Variants in CYTH1 observed in about 807,000 individuals in gnomAD.
CYTH1 encodes the protein cytohesin-1.
A neutral mutation model predicts 61.8 loss-of-function variants in CYTH1; 18 were observed. That is an observed-to-expected ratio of 0.29 (90% CI 0.20 to 0.43). CYTH1 has a LOEUF of 0.43. Ranked by LOEUF, CYTH1 falls within the 20% of genes least tolerant of loss-of-function variation. The pLI, the probability that CYTH1 is intolerant of heterozygous loss-of-function variation, is 1.00. For synonymous variants in CYTH1, 174 were observed against 184.3 expected (o/e 0.94, Z 0.45); for missense variants, 336 against 510.5 (o/e 0.66, Z 3.29).
At chr17:78,761,582 C>CA (rs1489714120) in intron 1 of CYTH1, among the ~76,000 whole-genome samples, 2 of 151,982 alleles carry the variant, frequency 1.3e-5, no homozygotes, top group African/African-American at 4.8e-5. Context: ...ACTAAAAACA[C>CA]AAAAAATCAG....
rs774924694 is a variant in CYTH1 at position 78,675,919 on chromosome 17, C to T, written c.*172G>A. The stretch of plus-strand genomic sequence containing the variant: ...CCGGTCCTCTCTTCCCCAGTGATAA[C>T]TGCCCACCCTTCTCCCACTTAAAAA... On this transcript the variant is annotated 3_prime_UTR_variant, in exon 14 of 14. Transcript: ENST00000446868. The T allele has an allele frequency of 5.4e-5, 83 of 1,540,294 alleles. No individual in the cohort carries two copies. Among genetic ancestry groups the T allele is most frequent in the Middle Eastern group, 5.1e-4 (3 of 5,872 alleles).
At chr17:78,744,998 A>G (rs2144651434) in intron 1 of CYTH1, among the ~76,000 whole-genome samples, 1 of 152,328 alleles carries the variant, frequency 6.6e-6, no homozygotes. Flanking sequence ...TTTAGTTTCT[A>G]TCAAGAAAAT....
At chr17:78,683,188 C>T (rs772198527) in intron 11 of CYTH1, among the ~76,000 whole-genome samples, 2 of 151,900 alleles carry the variant, frequency 1.3e-5, no homozygotes, top group East Asian at 1.9e-4. Flanking sequence ...GTTCTTGTTT[C>T]GCAGCTGTGA....
chr17:78,727,554 C>T (rs775032729), intron 1 of CYTH1: 8 of 383,412 alleles, frequency 2.1e-5, no homozygotes, highest in Non-Finnish European at 4.5e-5. Context: ...GCCCCGAGTC[C>T]GGGTTTGCAA....
rs59964250 is a variant in CYTH1 at position 78,675,631 on chromosome 17, TAA to T, written c.*458_*459del. ...ACCTGAACAGCCCTACGTTCTCTCT[TAA>T]AAAAAAAAAAATAGATCTTTATAGT... is the stretch of plus-strand genomic sequence containing the variant. On this transcript the variant is annotated 3_prime_UTR_variant, in exon 14 of 14. Coordinates refer to ENST00000446868, the MANE Select transcript of CYTH1 (RefSeq NM_004762.6). 0.018 allele frequency: 4,472 copies of T among 254,648 alleles called. 2 individuals carry two copies. Among genetic ancestry groups the T allele is most frequent in the East Asian group, 0.029 (416 of 14,278 alleles). 15.8% of individuals were successfully genotyped at this position (254,648 alleles called of 1,614,324 possible).
chr17:78,777,098 C>G (rs2093494968), intron 1 of CYTH1, among the ~76,000 whole-genome samples: 1 of 149,948 alleles, frequency 6.7e-6, no homozygotes, highest in South Asian at 2.1e-4. Context: ...GCACTCTAGC[C>G]TGGGCAACAA....
chr17:78,781,718 G>A (rs1351964616), intron 1 of CYTH1, among the ~76,000 whole-genome samples: 1 of 152,106 alleles, frequency 6.6e-6, no homozygotes, highest in African/African-American at 2.4e-5. Context: ...CGCGGGCCCG[G>A]CCATCCGCGC....
At chr17:78,758,442 C>T (rs890492016) in intron 1 of CYTH1, among the ~76,000 whole-genome samples, 11 of 152,178 alleles carry the variant, frequency 7.2e-5, no homozygotes, top group African/African-American at 1.2e-4. Flanking sequence ...TGGTGGCTCA[C>T]GCCTGTAATC....
chr17:78,683,127 CAGG>C (rs1245878241), intron 11 of CYTH1, among the ~76,000 whole-genome samples: 10 of 152,050 alleles, frequency 6.6e-5, no homozygotes, highest in African/African-American at 2.2e-4. Context: ...TTTGAATTTC[CAGG>C]AGGATTTTTT....
At chr17:78,745,358 A>G (rs188309560) in intron 1 of CYTH1, among the ~76,000 whole-genome samples, 3 of 152,346 alleles carry the variant, frequency 2.0e-5, no homozygotes, top group Admixed American at 2.0e-4. Context: ...TAAGGTAAAC[A>G]GAAATAACCT....
chr17:78,762,701 G>A (rs2093433681), intron 1 of CYTH1, among the ~76,000 whole-genome samples: 1 of 152,142 alleles, frequency 6.6e-6, no homozygotes, highest in Admixed American at 6.5e-5. Flanking sequence ...AAATGGAAGA[G>A]GGAGGCAGGA....
intron 1 of CYTH1, among the ~76,000 whole-genome samples, chr17:78,718,071 A>ATATTTTGT (rs887604357): frequency 2.6e-5 from 4 of 152,136 alleles, no homozygotes; most frequent in African/African-American, 9.7e-5. Flanking sequence ...TACAAAAGGT[A>ATATTTTGT]ACTACCTTAG....
At chr17:78,776,427 C>CAG (rs2093491179) in intron 1 of CYTH1, among the ~76,000 whole-genome samples, 1 of 151,588 alleles carries the variant, frequency 6.6e-6, no homozygotes, top group African/African-American at 2.4e-5. Context: ...GAGGCTGAGG[C>CAG]GGGCAGATCA....
At chr17:78,731,600 A>C (rs1361871292) in intron 1 of CYTH1, among the ~76,000 whole-genome samples, 1 of 152,076 alleles carries the variant, frequency 6.6e-6, no homozygotes, top group Non-Finnish European at 1.5e-5. Flanking sequence ...TCTACTAAAA[A>C]TACAAAAAAT....
At chr17:78,725,369 C>A (rs1169765729) in intron 1 of CYTH1, among the ~76,000 whole-genome samples, 1 of 152,170 alleles carries the variant, frequency 6.6e-6, no homozygotes, top group African/African-American at 2.4e-5. Context: ...GGACTATCCA[C>A]GCTGGTTATC....
chr17:78,746,623 C>T (rs1164627856), intron 1 of CYTH1, among the ~76,000 whole-genome samples: 1 of 152,170 alleles, frequency 6.6e-6, no homozygotes, highest in Non-Finnish European at 1.5e-5. Flanking sequence ...AGCTGCTCTT[C>T]ACATATTGAT....
intron 1 of CYTH1, among the ~76,000 whole-genome samples, chr17:78,731,561 C>G (rs2093294159): frequency 6.6e-6 from 1 of 151,952 alleles, no homozygotes; most frequent in African/African-American, 2.4e-5. Context: ...AGATCGAGAC[C>G]ATCCTAGCTA....
intron 1 of CYTH1, among the ~76,000 whole-genome samples, chr17:78,730,959 C>T (rs1251840358): frequency 1.3e-5 from 2 of 152,120 alleles, no homozygotes; most frequent in Non-Finnish European, 1.5e-5. Context: ...CCACCGCGCT[C>T]GGCACGAAAT....
chr17:78,677,170 C>T (rs2092709385), intron 13 of CYTH1: 1 of 431,390 alleles, frequency 2.3e-6, no homozygotes, highest in Admixed American at 2.5e-5. Flanking sequence ...GCGGTCTGAC[C>T]ACCTGAAGTG....
Sources: allele counts gnomAD v4.1 joint callset (sites outside exome capture counted in the v4.1 genomes callset), GRCh38; gene constraint gnomAD v4.1.1; transcripts MANE v1.5; gene names NCBI Gene and HGNC (gene_info 2026-07-23, HGNC 2026-07-21).